The following PCSK5 variants were observed in gnomAD, a reference collection of about 807,000 sequenced individuals.
PCSK5 encodes proprotein convertase subtilisin/kexin type 5, also known as prohormone convertase 5.
PCSK5 carries 129 observed loss-of-function variants against 233.2 expected under a neutral mutation model. The ratio of observed to expected loss-of-function variants is 0.55; its 90% confidence interval spans 0.48 to 0.64. PCSK5 has a LOEUF of 0.64. PCSK5 is among the 30% of genes least tolerant of loss of function. The pLI, the probability that PCSK5 is intolerant of heterozygous loss-of-function variation, is 0.00. For missense variants in PCSK5, 2,076 were observed against 2,430.1 expected (o/e 0.85, Z 3.06); for synonymous variants, 825 against 879.2 (o/e 0.94, Z 1.09).
At chr9:76,117,772 T>C (rs1427633826) in intron 9 of PCSK5, among the ~76,000 whole-genome samples, 1 of 152,106 alleles carries the variant, frequency 6.6e-6, no homozygotes, top group African/African-American at 2.4e-5. Context: ...AGTTATGTAG[T>C]CTTCAGTGAG....
chr9:76,345,558 A>G (rs1188835509), intron 35 of PCSK5, among the ~76,000 whole-genome samples: 2 of 151,962 alleles, frequency 1.3e-5, no homozygotes, highest in Non-Finnish European at 2.9e-5. Context: ...AGCTGGGACT[A>G]CAGGCGCCTG....
chr9:76,236,541 C>G (rs1334965835), intron 22 of PCSK5, among the ~76,000 whole-genome samples: 1 of 152,098 alleles, frequency 6.6e-6, no homozygotes, highest in African/African-American at 2.4e-5. Flanking sequence ...AGTCGAAGAC[C>G]CTGGGCAAGT....
chr9:75,990,552 G>C (rs1159157535), intron 3 of PCSK5, among the ~76,000 whole-genome samples: 1 of 152,182 alleles, frequency 6.6e-6, no homozygotes, highest in African/African-American at 2.4e-5. Context: ...TTCACTTCTT[G>C]TTGCATTGAC....
intron 9 of PCSK5, among the ~76,000 whole-genome samples, chr9:76,122,503 A>G (rs2131718848): frequency 6.6e-6 from 1 of 152,270 alleles, no homozygotes; most frequent in Non-Finnish European, 1.5e-5. Flanking sequence ...GAGATTTATT[A>G]TTGACCTTTT....
intron 20 of PCSK5, among the ~76,000 whole-genome samples, chr9:76,203,852 T>C (rs540925980): frequency 6.6e-6 from 1 of 152,182 alleles, no homozygotes; most frequent in South Asian, 2.1e-4. Flanking sequence ...TCATAGTTAC[T>C]ATCACAGAAT....
intron 17 of PCSK5, among the ~76,000 whole-genome samples, chr9:76,187,220 A>G (rs1213490537): frequency 6.6e-6 from 1 of 152,220 alleles, no homozygotes. Flanking sequence ...TTGGAGCAGT[A>G]TAAAGAGTTT....
Position 76,358,974 on chromosome 9 carries a change from GCATCAC to G in PCSK5, c.*53_*58del. On this transcript the variant is annotated 3_prime_UTR_variant, in exon 38 of 38. Transcript: ENST00000674117. ...ATTCCACTCTCAGGCATGCCTGTGA[GCATCAC>G]TGTTTTTGGTTTTATCCCCACACCA... is the stretch of plus-strand genomic sequence containing the variant. 1 of 1,539,430 alleles carries G rather than the reference GCATCAC, an allele frequency of 6.5e-7. No individual in the cohort carries two copies. Among genetic ancestry groups the G allele is most frequent in the Non-Finnish European group, 8.9e-7 (1 of 1,126,616 alleles).
At chr9:76,335,747 C>A (rs2131490765) in intron 34 of PCSK5, among the ~76,000 whole-genome samples, 1 of 152,256 alleles carries the variant, frequency 6.6e-6, no homozygotes, top group Admixed American at 6.5e-5. Context: ...TTATAACAAT[C>A]TATAATAAAA....
rs887707663 is a variant in PCSK5 at position 76,096,508 on chromosome 9, CAGTGTGAAAAACAAA to C, written c.1107+412_1107+426del. 2.4e-4 allele frequency among the ~76,000 whole-genome samples: 36 copies of C among 151,838 alleles called. 2 individuals are homozygous for C. Among genetic ancestry groups the C allele is most frequent in the African/African-American group, 8.7e-4 (36 of 41,384 alleles). On this transcript the variant is annotated intron_variant, in intron 8 of 37. Transcript: ENST00000674117. The stretch of plus-strand genomic sequence containing the variant: ...GCTTGGTTTCTGAGTATGGCCAATT[CAGTGTGAAAAACAAA>C]AGTGTATAAGGAAACTCAGAATTTC...
chr9:75,943,173 C>T (rs548298950), intron 2 of PCSK5, among the ~76,000 whole-genome samples: 1 of 152,134 alleles, frequency 6.6e-6, no homozygotes, highest in Non-Finnish European at 1.5e-5. Flanking sequence ...GCATGAGCCA[C>T]CATGCCCGGC....
chr9:76,229,469 A>G lies in PCSK5; in HGVS notation c.2729+1864A>G, dbSNP rs142322271. Among the ~76,000 whole-genome samples the G allele has an allele frequency of 1.8e-4, 27 of 152,302 alleles. 1 individual carries two copies. The East Asian group carries it at 5.2e-3, about 29-fold the overall frequency. On this transcript the variant is annotated intron_variant, in intron 21 of 37. Coordinates refer to ENST00000674117, the MANE Select transcript of PCSK5 (RefSeq NM_001372043.1). ...GTGATGCCAGGATCCTCATTGCCCAACCTAATTTCCCTGCCCAGTCCTGAA... is the reference window on the plus strand; with the variant it reads ...GTGATGCCAGGATCCTCATTGCCCAGCCTAATTTCCCTGCCCAGTCCTGAA...
intron 5 of PCSK5, among the ~76,000 whole-genome samples, chr9:76,060,321 A>C (rs894820243): frequency 3.3e-5 from 5 of 152,218 alleles, no homozygotes; most frequent in Non-Finnish European, 5.9e-5. Context: ...TACATGTATT[A>C]TATACTATAT....
chr9:75,992,600 TAC>T (rs1197208148), intron 3 of PCSK5, among the ~76,000 whole-genome samples: 2 of 150,454 alleles, frequency 1.3e-5, no homozygotes, highest in Non-Finnish European at 3.0e-5. Flanking sequence ...TACACACACA[TAC>T]ACACACACAA....
chr9:75,949,720 G>T (rs1824757001), intron 2 of PCSK5, among the ~76,000 whole-genome samples: 1 of 151,892 alleles, frequency 6.6e-6, no homozygotes, highest in South Asian at 2.1e-4. Flanking sequence ...TAGAGATAGG[G>T]TTTCAACATG....
chr9:76,317,486 C>T (rs1014953439), intron 30 of PCSK5, among the ~76,000 whole-genome samples: 61 of 152,184 alleles, frequency 4.0e-4, no homozygotes, highest in African/African-American at 1.4e-3. Flanking sequence ...AATGATTAAA[C>T]GTGTGAGTGC....
At chr9:75,925,995 C>T (rs776975270) in intron 1 of PCSK5, among the ~76,000 whole-genome samples, 1 of 152,106 alleles carries the variant, frequency 6.6e-6, no homozygotes, top group African/African-American at 2.4e-5. Flanking sequence ...GGAAGAGGTT[C>T]GTCAACAAGA....
chr9:76,127,789 A>G (rs1280660797), intron 9 of PCSK5, among the ~76,000 whole-genome samples: 1 of 152,162 alleles, frequency 6.6e-6, no homozygotes, highest in Non-Finnish European at 1.5e-5. Context: ...ATGATATGCC[A>G]AGCTCTTTAT....
At chr9:76,156,583 A>G (rs1822596042) in intron 10 of PCSK5, among the ~76,000 whole-genome samples, 2 of 152,238 alleles carry the variant, frequency 1.3e-5, no homozygotes, top group African/African-American at 4.8e-5. Context: ...ATCTTATGAA[A>G]GCAGTGATGT....
chr9:75,910,463 T>C (rs1822675159), intron 1 of PCSK5, among the ~76,000 whole-genome samples: 1 of 152,208 alleles, frequency 6.6e-6, no homozygotes, highest in Non-Finnish European at 1.5e-5. Context: ...GCTCTCAGAG[T>C]TGCTTCTTTG....
Sources: allele counts gnomAD v4.1 joint callset (sites outside exome capture counted in the v4.1 genomes callset), GRCh38; gene constraint gnomAD v4.1.1; transcripts MANE v1.5; gene names NCBI Gene and HGNC (gene_info 2026-07-23, HGNC 2026-07-21).